Variants in SBF2 observed in about 807,000 individuals in gnomAD.
SBF2 encodes the protein myotubularin-related protein 13.
A neutral mutation model predicts 225.2 loss-of-function variants in SBF2; 112 were observed. That is an observed-to-expected ratio of 0.50 (90% CI 0.43 to 0.58). The LOEUF (loss-of-function observed/expected upper bound fraction) is 0.58. Among genes scored for constraint, SBF2 ranks in the 20% least tolerant of loss-of-function variants. The pLI is 0.00. For synonymous variants in SBF2, 763 were observed against 773.3 expected, an observed-to-expected ratio of 0.99 and a Z score of 0.22; for missense variants, 1,996 against 2,206.2, an observed-to-expected ratio of 0.90 and a Z score of 1.91.
chr11:9,992,966 A>G (rs764188826), intron 11 of SBF2, 24 bp downstream of exon 11: 1 of 1,499,062 alleles, frequency 6.7e-7, no homozygotes, highest in African/African-American at 1.4e-5. Flanking sequence ...TTTTGGACAG[A>G]TACAATATAG....
chr11:10,235,611 T>C (rs1183056052), intron 1 of SBF2, among the ~76,000 whole-genome samples: 1 of 152,194 alleles, frequency 6.6e-6, no homozygotes, highest in African/African-American at 2.4e-5. Context: ...CTTCCCTTTT[T>C]GGAAAAATTA....
intron 13 of SBF2, among the ~76,000 whole-genome samples, chr11:9,973,454 A>AT (rs1409546884): frequency 6.6e-6 from 1 of 152,176 alleles, no homozygotes; most frequent in Admixed American, 6.6e-5. Context: ...ACCTGGCAAC[A>AT]TTTTTTTCCA....
intron 1 of SBF2, among the ~76,000 whole-genome samples, chr11:10,300,818 T>C (rs554704741): frequency 2.3e-4 from 35 of 151,806 alleles, no homozygotes; most frequent in South Asian, 8.3e-4. Flanking sequence ...TCTCTTTTTT[T>C]TTTTTTTTCT....
At chr11:10,298,548 C>A (rs1964568847), upstream of SBF2, among the ~76,000 whole-genome samples, 1 of 152,158 alleles carries the variant, frequency 6.6e-6, no homozygotes. Flanking sequence ...CACAGTAGTT[C>A]AAGGAGGCAG....
At chr11:9,964,262 A>C (rs905444048) in intron 14 of SBF2, among the ~76,000 whole-genome samples, 2 of 152,066 alleles carry the variant, frequency 1.3e-5, no homozygotes. Context: ...TAGAAAACAA[A>C]CAAAAACTGT....
intron 22 of SBF2, among the ~76,000 whole-genome samples, chr11:9,847,515 T>TTA (rs1554923411): frequency 1.4e-5 from 1 of 70,530 alleles, no homozygotes; most frequent in Non-Finnish European, 3.4e-5. Flanking sequence ...AAGGGAGGTT[T>TTA]TACAAAAAAA....
intron 17 of SBF2, among the ~76,000 whole-genome samples, chr11:9,861,866 G>T (rs1263129292): frequency 1.3e-5 from 2 of 152,080 alleles, no homozygotes; most frequent in African/African-American, 4.8e-5. Context: ...ACTAAAAGTT[G>T]AATATGCAAA....
At chr11:10,102,285 GAGTA>G (rs1438215447) in intron 2 of SBF2, among the ~76,000 whole-genome samples, 2 of 152,226 alleles carry the variant, frequency 1.3e-5, no homozygotes, top group African/African-American at 2.4e-5. Flanking sequence ...ATGCTGGAAA[GAGTA>G]AGACCTCATC....
intron 2 of SBF2, among the ~76,000 whole-genome samples, chr11:10,080,340 T>C (rs1240390194): frequency 6.8e-6 from 1 of 147,280 alleles, no homozygotes; most frequent in Admixed American, 6.8e-5. Flanking sequence ...GACAAGGAAA[T>C]GCTGATGGAA....
intron 16 of SBF2, among the ~76,000 whole-genome samples, chr11:9,905,961 T>A (rs764792671): frequency 4.0e-5 from 6 of 151,570 alleles, no homozygotes; most frequent in African/African-American, 1.4e-4. Context: ...AGTCAGGCCA[T>A]GTAGGAAAAC....
intron 2 of SBF2, among the ~76,000 whole-genome samples, chr11:10,178,870 T>C (rs1456521674): frequency 6.7e-6 from 1 of 149,154 alleles, no homozygotes; most frequent in Non-Finnish European, 1.5e-5. Flanking sequence ...CTATAAATCA[T>C]GCTGCTATAA....
rs898811249 is a variant in SBF2, at chr11:9,851,707, T to C, written c.2610+969A>G. ...TAATCGCTGTGTCTCAGGTTTCTGA[T>C]AGAATTATATTCCTACCTACCTGCC... On this transcript the variant is annotated intron_variant, in intron 21 of 39. Transcript: ENST00000256190. 1.3e-4 allele frequency among the ~76,000 whole-genome samples: 20 copies of C among 152,346 alleles called. No homozygotes were observed. In the East Asian group the frequency reaches 2.9e-3, roughly 22 times the overall value.
chr11:9,997,869 T>C (rs530275527), intron 9 of SBF2, among the ~76,000 whole-genome samples: 14 of 152,312 alleles, frequency 9.2e-5, no homozygotes, highest in Non-Finnish European at 1.9e-4. Context: ...AATATTACAG[T>C]GTTTTGTAGG....
At chr11:10,090,642 G>A (rs1223305381) in intron 2 of SBF2, among the ~76,000 whole-genome samples, 3 of 151,854 alleles carry the variant, frequency 2.0e-5, no homozygotes, top group Non-Finnish European at 4.4e-5. Context: ...ACACACGCCT[G>A]TAGTCCCAGC....
chr11:10,163,807 A>G (rs1013711490), intron 2 of SBF2, among the ~76,000 whole-genome samples: 1 of 152,186 alleles, frequency 6.6e-6, no homozygotes, highest in African/African-American at 2.4e-5. Context: ...TTAGACTGAT[A>G]AAAAGAGGTA....
At chr11:10,227,618 G>T (rs1394897343) in intron 1 of SBF2, among the ~76,000 whole-genome samples, 1 of 152,226 alleles carries the variant, frequency 6.6e-6, no homozygotes, top group African/African-American at 2.4e-5. Flanking sequence ...GTTTGACAAA[G>T]ATCAGATAGT....
At position 9,976,495 on chromosome 11, in the gene SBF2, C is replaced by T. The variant is rs564607879; in HGVS notation, c.1396-7950G>A. The stretch of plus-strand genomic sequence containing the variant: ...GTCTGTAGTCCCAGCTACTTGGGAG[C>T]GTGAGGTGGGAGGATCGCTTGAGCC... On this transcript the variant is annotated intron_variant, in intron 13 of 39. Coordinates refer to ENST00000256190, the MANE Select transcript of SBF2 (RefSeq NM_030962.4). Among the ~76,000 whole-genome samples the T allele has an allele frequency of 5.9e-5, 9 of 152,040 alleles. No homozygotes were observed. The East Asian group carries it at 1.2e-3, about 20-fold the overall frequency.
Position 9,789,415 on chromosome 11 carries a change from TA to T in SBF2, c.4699-74del, listed in dbSNP as rs1193688590. ...CCAAGCTCACTGTCAGGCAAACCCC[TA>T]ACATTTATAGAGTCCAGGGGAGGAA... On this transcript the variant is annotated intron_variant, in intron 34 of 39. Coordinates refer to ENST00000256190, the MANE Select transcript of SBF2 (RefSeq NM_030962.4). 2.9e-6 allele frequency: 3 copies of T among 1,033,792 alleles called. No homozygotes were observed. The Admixed American group carries it at 5.3e-5, about 18-fold the overall frequency. The allele number at this position is 1,033,792 out of a possible 1,614,324, so 64.0% of individuals were successfully genotyped here.
intron 1 of SBF2, among the ~76,000 whole-genome samples, chr11:10,263,370 T>C (rs1365568738): frequency 3.3e-5 from 5 of 152,094 alleles, no homozygotes; most frequent in Admixed American, 6.6e-5. Flanking sequence ...AATGACATAA[T>C]GCTGGAAGAA....
Sources: allele counts gnomAD v4.1 joint callset (sites outside exome capture counted in the v4.1 genomes callset), GRCh38; gene constraint gnomAD v4.1.1; transcripts MANE v1.5; gene names NCBI Gene and HGNC (gene_info 2026-07-23, HGNC 2026-07-21).